NEK10: variants seen among roughly 807,000 people sequenced by gnomAD.
The protein encoded by NEK10 is NIMA related kinase 10.
In NEK10, 122 loss-of-function variants were observed where a neutral mutation model predicts 159.8. The ratio of observed to expected loss-of-function variants is 0.76; its 90% confidence interval spans 0.66 to 0.89. NEK10 has a LOEUF of 0.89. NEK10 is among the 40% of genes least tolerant of loss of function. The probability of loss-of-function intolerance (pLI) is 0.00; values close to 1 mark genes in which losing one functional copy is unlikely to be tolerated. For missense variants in NEK10, 1,342 were observed against 1,323.1 expected, an observed-to-expected ratio of 1.01 and a Z score of -0.22; for synonymous variants, 466 against 457.1, an observed-to-expected ratio of 1.02 and a Z score of -0.25.
chr3:27,127,641 T>C (rs1942125513), intron 32 of NEK10, among the ~76,000 whole-genome samples: 1 of 152,172 alleles, frequency 6.6e-6, no homozygotes, highest in African/African-American at 2.4e-5. Context: ...CACTGTCATA[T>C]ATCCAGTCTA....
chr3:27,299,933 G>T (rs1352339320), intron 13 of NEK10, among the ~76,000 whole-genome samples: 1 of 152,174 alleles, frequency 6.6e-6, no homozygotes, highest in East Asian at 1.9e-4. Context: ...GATTTTACAG[G>T]CTCACAGGCA....
intron 22 of NEK10, among the ~76,000 whole-genome samples, chr3:27,266,436 T>A (rs1463343979): frequency 6.6e-6 from 1 of 152,164 alleles, no homozygotes; most frequent in Non-Finnish European, 1.5e-5. Flanking sequence ...TTGGAAATAG[T>A]CCCTTCCTCT....
intron 23 of NEK10, among the ~76,000 whole-genome samples, chr3:27,244,415 T>C (rs554892735): frequency 6.6e-6 from 1 of 152,220 alleles, no homozygotes; most frequent in Non-Finnish European, 1.5e-5. Flanking sequence ...TTATTGCCTG[T>C]TGTCTCTTAA....
chr3:27,295,581 T>A, intron 15 of NEK10, 32 bp downstream of exon 15: 2 of 1,538,154 alleles, frequency 1.3e-6, no homozygotes, highest in Non-Finnish European at 1.8e-6. Context: ...TTCAATAACT[T>A]GATACTGAAG....
At chr3:27,117,297 T>C (rs1313747570) in intron 33 of NEK10, among the ~76,000 whole-genome samples, 1 of 152,230 alleles carries the variant, frequency 6.6e-6, no homozygotes, top group Non-Finnish European at 1.5e-5. Context: ...TATGTGTGCA[T>C]GTATCTTTAT....
intron 22 of NEK10, among the ~76,000 whole-genome samples, chr3:27,259,174 T>C (rs1394867989): frequency 1.3e-5 from 2 of 152,180 alleles, no homozygotes; most frequent in Admixed American, 6.5e-5. Flanking sequence ...AGGTTGCCTG[T>C]TGACTCTGAT....
intron 6 of NEK10, among the ~76,000 whole-genome samples, chr3:27,316,954 T>G (rs1412440707): frequency 6.6e-6 from 1 of 152,198 alleles, no homozygotes; most frequent in Non-Finnish European, 1.5e-5. Flanking sequence ...TGTGCAGCTT[T>G]TTCTAAACAT....
chr3:27,321,004 C>T (rs947764271), intron 6 of NEK10, among the ~76,000 whole-genome samples: 5 of 152,106 alleles, frequency 3.3e-5, no homozygotes, highest in African/African-American at 1.2e-4. Context: ...CCTTGGGCTT[C>T]CCTGTAAAAC....
chr3:27,125,353 G>C (rs1426174348), intron 32 of NEK10, among the ~76,000 whole-genome samples: 1 of 152,010 alleles, frequency 6.6e-6, no homozygotes, highest in Admixed American at 6.6e-5. Context: ...CAATATTTGG[G>C]AATCTAATCA....
intron 26 of NEK10, among the ~76,000 whole-genome samples, chr3:27,185,388 G>C (rs1948518295): frequency 6.6e-6 from 1 of 152,090 alleles, no homozygotes; most frequent in Non-Finnish European, 1.5e-5. Flanking sequence ...AAAATAGTTT[G>C]GGTAGGAATG....
At chr3:27,194,152 G>A (rs1240342168) in intron 25 of NEK10, 2 of 144,988 alleles carry the variant, frequency 1.4e-5, no homozygotes, top group African/African-American at 5.2e-5. Context: ...TTGAGACGGA[G>A]TCTCGCTCTG....
chr3:27,252,658 A>G (rs1955784041), intron 23 of NEK10, among the ~76,000 whole-genome samples: 1 of 150,786 alleles, frequency 6.6e-6, no homozygotes, highest in Non-Finnish European at 1.5e-5. Context: ...GAGTGTGTAG[A>G]TCAGAGGAAA....
chr3:27,274,693 G>C (rs910260614), intron 22 of NEK10, among the ~76,000 whole-genome samples: 1 of 151,848 alleles, frequency 6.6e-6, no homozygotes, highest in African/African-American at 2.4e-5. Context: ...TGTGTGGCAT[G>C]ATACTAGTTC....
At chr3:27,228,784 T>C (rs1451598135) in intron 23 of NEK10, among the ~76,000 whole-genome samples, 1 of 152,160 alleles carries the variant, frequency 6.6e-6, no homozygotes, top group Non-Finnish European at 1.5e-5. Context: ...TGAAAAGAGA[T>C]GCCTGTCTGA....
At position 27,256,309 on chromosome 3, in the gene NEK10, T is replaced by C. The variant is rs772977072; in HGVS notation, c.2077A>G (p.Ile693Val). 3 of 1,532,592 alleles carry C rather than the reference T, an allele frequency of 2.0e-6. No homozygotes were observed. The South Asian group carries it at 3.8e-5, about 19-fold the overall frequency. 94.9% of individuals were successfully genotyped at this position (1,532,592 alleles called of 1,614,324 possible). The change falls in exon 23 of 36, where the codon ATC becomes GTC. Residue 693 changes from isoleucine (I) to valine (V), a missense_variant. Transcript: ENST00000691995. ...NSKLTSVVGTILYSCPEVLKS... is the reference protein window; with the variant it reads ...NSKLTSVVGTVLYSCPEVLKS... ...AATTGTCCTTACCAAGAATACAGGATTGTTCCAACCACAGAGGTGAGTTTA... is the reference window on the plus strand; with the variant it reads ...AATTGTCCTTACCAAGAATACAGGACTGTTCCAACCACAGAGGTGAGTTTA...
chr3:27,303,878 G>A (rs2044030024), intron 12 of NEK10, among the ~76,000 whole-genome samples: 1 of 152,140 alleles, frequency 6.6e-6, no homozygotes, highest in Admixed American at 6.5e-5. Flanking sequence ...ATGTACTGCA[G>A]ATCATAAAGA....
chr3:27,361,092 AG>A (rs2048652524), intron 1 of NEK10, among the ~76,000 whole-genome samples: 1 of 152,184 alleles, frequency 6.6e-6, no homozygotes, highest in Non-Finnish European at 1.5e-5. Context: ...TGTTGGTCTG[AG>A]GGCTGCTCCA....
intron 4 of NEK10, among the ~76,000 whole-genome samples, 182 bp from the exon 5 acceptor site, chr3:27,344,552 T>C (rs2047420485): frequency 1.3e-5 from 2 of 152,236 alleles, no homozygotes; most frequent in Admixed American, 6.5e-5. Flanking sequence ...AAAGCAACTA[T>C]CAGCTGTTAA....
At chr3:27,278,689 C>CT in intron 22 of NEK10, 1 of 983,446 alleles carries the variant, frequency 1.0e-6, no homozygotes, top group South Asian at 4.7e-5. Flanking sequence ...TTTTCTTTTC[C>CT]TTTTTTATTT....
Sources: gnomAD v4.1 joint callset for allele counts (sites outside exome capture counted in the v4.1 genomes callset) on GRCh38, gnomAD v4.1.1 for gene constraint, MANE v1.5 for transcripts, NCBI Gene and HGNC (gene_info 2026-07-23, HGNC 2026-07-21) for gene names.